NIPA1: variants seen among roughly 807,000 people sequenced by gnomAD.
NIPA1 encodes magnesium transporter NIPA1.
Under a neutral mutation model 23.9 loss-of-function variants are expected in NIPA1, and 13 were observed. That is an observed-to-expected ratio of 0.54 (90% CI 0.35 to 0.87). The LOEUF (loss-of-function observed/expected upper bound fraction) is 0.87, where lower values mean the gene tolerates loss of function less well. Among genes scored for constraint, NIPA1 ranks in the 40% least tolerant of loss-of-function variants. NIPA1 has a pLI of 0.01. For synonymous variants in NIPA1, 234 were observed against 202.9 expected (o/e 1.15, Z -1.30); for missense variants, 362 against 429.7 (o/e 0.84, Z 1.39).
chr15:22,808,058 G>C (rs925174719), intron 1 of NIPA1, among the ~76,000 whole-genome samples: 1 of 151,962 alleles, frequency 6.6e-6, no homozygotes, highest in South Asian at 2.1e-4. Flanking sequence ...CAAAGTGCTG[G>C]GATTACAGGC....
At chr15:22,790,737 C>T (rs1894808988) in intron 1 of NIPA1, among the ~76,000 whole-genome samples, 1 of 152,012 alleles carries the variant, frequency 6.6e-6, no homozygotes, top group Non-Finnish European at 1.5e-5. Context: ...TGTAATGCAC[C>T]AGGCATTGTG....
At chr15:22,822,226 T>C (rs965794326) in intron 4 of NIPA1, among the ~76,000 whole-genome samples, 2 of 152,210 alleles carry the variant, frequency 1.3e-5, no homozygotes, top group Non-Finnish European at 1.5e-5. Context: ...ATTAAATCCA[T>C]GCAAAAATTA....
At chr15:22,812,357 A>C (rs1281483104) in intron 3 of NIPA1, 104 bp downstream of exon 3, 1 of 848,462 alleles carries the variant, frequency 1.2e-6, no homozygotes, top group South Asian at 1.4e-5. Flanking sequence ...TTGTAATAGA[A>C]GATAGATCTT....
intron 1 of NIPA1, among the ~76,000 whole-genome samples, chr15:22,799,622 A>C (rs1269227440): frequency 6.6e-6 from 1 of 151,978 alleles, no homozygotes; most frequent in Non-Finnish European, 1.5e-5. Context: ...CTCTACTAAA[A>C]ATACAAAAAA....
intron 1 of NIPA1, among the ~76,000 whole-genome samples, chr15:22,803,203 C>A (rs1191708779): frequency 6.6e-6 from 1 of 152,004 alleles, no homozygotes; most frequent in Non-Finnish European, 1.5e-5. Context: ...GTGATCCACT[C>A]ACCTCGGCCT....
At chr15:22,813,673 G>A (rs1256710885) in intron 3 of NIPA1, 3 of 455,906 alleles carry the variant, frequency 6.6e-6, no homozygotes, top group Non-Finnish European at 4.4e-6. Context: ...GTCCATGATG[G>A]GTGTATTGAA....
At chr15:22,814,625 A>G (rs1384470941) in intron 3 of NIPA1, among the ~76,000 whole-genome samples, 1 of 152,232 alleles carries the variant, frequency 6.6e-6, no homozygotes, top group African/African-American at 2.4e-5. Context: ...TCTGTGTAGC[A>G]GTGAATAGAA....
chr15:22,789,327 A>G (rs1894781786), intron 1 of NIPA1, among the ~76,000 whole-genome samples: 1 of 151,922 alleles, frequency 6.6e-6, no homozygotes, highest in Admixed American at 6.6e-5. Flanking sequence ...TGAACTTGTG[A>G]TTTTCATTAT....
chr15:22,786,502 C>T (rs1351010729), upstream of NIPA1: 1 of 165,710 alleles, frequency 6.0e-6, no homozygotes, highest in Non-Finnish European at 1.3e-5. Context: ...CCTAAGGCGC[C>T]GGTCCCTGGC....
At position 22,786,831 on chromosome 15, in the gene NIPA1, C is replaced by T; in HGVS notation, c.175C>T (p.Arg59Ter). 1 of 1,142,566 alleles carries T rather than the reference C, an allele frequency of 8.8e-7. No homozygotes were observed. Among genetic ancestry groups the T allele is most frequent in the Non-Finnish European group, 1.1e-6 (1 of 910,720 alleles). 70.8% of individuals were successfully genotyped at this position (1,142,566 alleles called of 1,614,324 possible). The change falls in exon 1 of 5, where the codon CGA (arginine) becomes TGA (stop). Residue 59 changes from arginine (R) to a stop codon, truncating the protein, a stop_gained. Transcript: ENST00000337435. LOFTEE classifies it high-confidence loss of function. Reference protein sequence around the residue: ...QKKGIVRAKRRGTSYLTDIVW... With the variant: ...QKKGIVRAKR ...GAAGGGCATCGTGCGTGCCAAGCGG[C>T]GAGGTAGGGCGGGCGGCAGGCGGCA...
chr15:22,803,666 G>C (rs1481097658), intron 1 of NIPA1, among the ~76,000 whole-genome samples: 1 of 140,534 alleles, frequency 7.1e-6, no homozygotes, highest in African/African-American at 2.7e-5. Flanking sequence ...CTGCTACCGG[G>C]CCCGGCTAAT....
chr15:22,795,430 C>T (rs983128627), intron 1 of NIPA1, among the ~76,000 whole-genome samples: 7 of 152,038 alleles, frequency 4.6e-5, no homozygotes, highest in African/African-American at 7.3e-5. Flanking sequence ...AACTCAGTGC[C>T]GGACAGGACT....
chr15:22,796,437 G>T lies in NIPA1; in HGVS notation c.178+9603G>T, dbSNP rs149880651. Among the ~76,000 whole-genome samples the T allele has an allele frequency of 2.2e-4, 33 of 151,972 alleles. No individual in the cohort carries two copies. The East Asian group carries it at 6.0e-3, about 28-fold the overall frequency. On this transcript the variant is annotated intron_variant, in intron 1 of 4. Transcript: ENST00000337435. Reference sequence around the variant, plus strand: ...CCTCAAAAATATTTATAGTATAAATGTAATTTATATTTATATTTTCAGTTC... The same window carrying T: ...CCTCAAAAATATTTATAGTATAAATTTAATTTATATTTATATTTTCAGTTC...
At position 22,810,606 on chromosome 15, in the gene NIPA1, C is replaced by A. The variant is rs1895298626; in HGVS notation, c.179-143C>A. The A allele has an allele frequency of 6.0e-6, 4 of 662,598 alleles. No homozygotes were observed. The South Asian group carries it at 6.4e-5, about 11-fold the overall frequency. 41.0% of individuals were successfully genotyped at this position (662,598 alleles called of 1,614,324 possible). Reference sequence around the variant, plus strand: ...TGCTGCCATTTATAGATGAAAGATTCTCTTTAGGGTGAATAAACAGTATGA... The same window carrying A: ...TGCTGCCATTTATAGATGAAAGATTATCTTTAGGGTGAATAAACAGTATGA... On this transcript the variant is annotated intron_variant, in intron 1 of 4. Coordinates refer to ENST00000337435, the MANE Select transcript of NIPA1 (RefSeq NM_144599.5).
At chr15:22,791,475 C>CTTTTTTTTT (rs11428709) in intron 1 of NIPA1, among the ~76,000 whole-genome samples, 8 of 18,076 alleles carry the variant, frequency 4.4e-4, no homozygotes, top group African/African-American at 1.1e-3. Context: ...TCCTCTTTCA[C>CTTTTTTTTT]TTTTTTTTTT....
intron 4 of NIPA1, among the ~76,000 whole-genome samples, chr15:22,822,838 A>G (rs572162845): frequency 6.6e-6 from 1 of 151,994 alleles, no homozygotes; most frequent in Non-Finnish European, 1.5e-5. Flanking sequence ...CAAAAAAACA[A>G]AACAAACAAC....
At position 22,786,674 on chromosome 15, in the gene NIPA1, G is replaced by GGCA. The variant is rs769916931; in HGVS notation, c.21_23dup (p.Ala16dup). On this transcript the variant is annotated inframe_insertion, in exon 1 of 5. Transcript: ENST00000337435. The stretch of plus-strand genomic sequence containing the variant: ...CGGGCGGAATGGGGACTGCAGCTGC[G>GGCA]GCAGCGGCGGCGGCGGCGGCGGCGG... 2 of 1,074,990 alleles carry GGCA rather than the reference G, an allele frequency of 1.9e-6. No individual in the cohort carries two copies. The highest frequency in any genetic ancestry group is 2.2e-6 in the Non-Finnish European group (2 of 893,294). 66.6% of individuals were successfully genotyped at this position (1,074,990 alleles called of 1,614,324 possible).
chr15:22,814,010 C>T (rs999372213), intron 3 of NIPA1: 1 of 728,950 alleles, frequency 1.4e-6, no homozygotes, highest in East Asian at 6.6e-5. Context: ...CAGTTAATTT[C>T]CTTAGAACTG....
chr15:22,789,433 C>T (rs529724700), intron 1 of NIPA1, among the ~76,000 whole-genome samples: 1 of 152,310 alleles, frequency 6.6e-6, no homozygotes, highest in South Asian at 2.1e-4. Context: ...TCAGTTCTTC[C>T]CGGTCTGGAC....
Sources: allele counts gnomAD v4.1 joint callset (sites outside exome capture counted in the v4.1 genomes callset), GRCh38; gene constraint gnomAD v4.1.1; transcripts MANE v1.5; gene names NCBI Gene and HGNC (gene_info 2026-07-23, HGNC 2026-07-21).